Variants in CSMD1 observed in about 807,000 individuals in gnomAD.
CSMD1 encodes CUB and sushi domain-containing protein 1.
CSMD1 carries 213 observed loss-of-function variants against 417.5 expected under a neutral mutation model. That is an observed-to-expected ratio of 0.51 (90% CI 0.46 to 0.57). The LOEUF (loss-of-function observed/expected upper bound fraction) is 0.57. CSMD1 is among the 20% of genes least tolerant of loss of function. CSMD1 has a pLI of 0.00. For missense variants in CSMD1, 6,923 were observed against 4,529.7 expected (o/e 1.53, Z -15.17); for synonymous variants, 2,862 against 1,736.8 (o/e 1.65, Z -16.11).
chr8:4,653,753 G>A (rs749684782), intron 1 of CSMD1, among the ~76,000 whole-genome samples: 2 of 152,094 alleles, frequency 1.3e-5, no homozygotes, highest in African/African-American at 2.4e-5. Context: ...AACACATTTG[G>A]TTGAAACTCC....
intron 1 of CSMD1, among the ~76,000 whole-genome samples, chr8:4,817,953 C>T (rs1799300261): frequency 6.6e-6 from 1 of 152,126 alleles, no homozygotes; most frequent in African/African-American, 2.4e-5. Flanking sequence ...TCTACCCTAG[C>T]ATTAGGTACA....
At chr8:3,501,907 T>A (rs1374289661) in intron 10 of CSMD1, among the ~76,000 whole-genome samples, 2 of 152,156 alleles carry the variant, frequency 1.3e-5, no homozygotes, top group Non-Finnish European at 2.9e-5. Flanking sequence ...ATATCTACCA[T>A]AGATACTGGA....
intron 3 of CSMD1, among the ~76,000 whole-genome samples, chr8:4,102,193 A>C (rs1365420885): frequency 1.3e-5 from 2 of 152,240 alleles, no homozygotes; most frequent in East Asian, 3.9e-4. Context: ...TAAATGCTTT[A>C]TTGTCTCTTT....
chr8:4,832,898 T>A lies in CSMD1; in HGVS notation c.85+161434A>T, dbSNP rs2117451203. On this transcript the variant is annotated intron_variant, in intron 1 of 69. Transcript: ENST00000635120. ...TGCTAGATAACAGAAAGCTCCGAACTAGCTCAAGCACTCTAAGTTTAGTAC... is the reference window on the plus strand; with the variant it reads ...TGCTAGATAACAGAAAGCTCCGAACAAGCTCAAGCACTCTAAGTTTAGTAC... 2.0e-5 allele frequency among the ~76,000 whole-genome samples: 3 copies of A among 152,272 alleles called. 1 individual carries two copies. In the South Asian group the frequency reaches 6.2e-4, roughly 32 times the overall value.
intron 10 of CSMD1, among the ~76,000 whole-genome samples, chr8:3,558,731 GT>G (rs1799333146): frequency 6.7e-6 from 1 of 149,040 alleles, no homozygotes; most frequent in South Asian, 2.2e-4. Context: ...GTAGTACCCC[GT>G]GTTCACTCCT....
chr8:4,957,536 T>C (rs1362784339), intron 1 of CSMD1, among the ~76,000 whole-genome samples: 2 of 152,150 alleles, frequency 1.3e-5, no homozygotes, highest in African/African-American at 4.8e-5. Context: ...AGTGCTTATA[T>C]GAGAAATTCA....
intron 18 of CSMD1, among the ~76,000 whole-genome samples, chr8:3,377,110 G>A (rs1023463140): frequency 6.7e-6 from 1 of 148,686 alleles, no homozygotes; most frequent in Non-Finnish European, 1.5e-5. Context: ...CTGGGCTCAA[G>A]TGATCCCCCT....
intron 7 of CSMD1, among the ~76,000 whole-genome samples, chr8:3,682,412 C>T (rs1274974652): frequency 6.6e-6 from 1 of 152,046 alleles, no homozygotes; most frequent in Non-Finnish European, 1.5e-5. Flanking sequence ...AAAAGATGAC[C>T]TTTATGCAGC....
chr8:3,455,437 G>T (rs1051753879), intron 12 of CSMD1, among the ~76,000 whole-genome samples: 1 of 152,150 alleles, frequency 6.6e-6, no homozygotes, highest in African/African-American at 2.4e-5. Context: ...CCCCATCTTT[G>T]TGGTTTTATC....
intron 5 of CSMD1, among the ~76,000 whole-genome samples, chr8:3,934,624 G>C (rs1431216453): frequency 1.3e-5 from 2 of 152,090 alleles, no homozygotes; most frequent in African/African-American, 2.4e-5. Context: ...GCAGGCCAAG[G>C]AGGTAGATCA....
At chr8:3,558,687 C>T (rs1050108325) in intron 10 of CSMD1, among the ~76,000 whole-genome samples, 5 of 150,860 alleles carry the variant, frequency 3.3e-5, no homozygotes, top group African/African-American at 7.3e-5. Context: ...AATGGTACCC[C>T]GTGTCCACTC....
intron 1 of CSMD1, among the ~76,000 whole-genome samples, chr8:4,956,517 G>A (rs569994930): frequency 6.7e-4 from 98 of 147,308 alleles, no homozygotes; most frequent in Middle Eastern, 3.6e-3. Context: ...ATATACACAC[G>A]TATTTTAAAT....
chr8:3,654,271 C>A (rs1052922034), intron 7 of CSMD1, among the ~76,000 whole-genome samples: 1 of 151,846 alleles, frequency 6.6e-6, no homozygotes, highest in Non-Finnish European at 1.5e-5. Context: ...ACATTCTTAG[C>A]CAAAATTTAA....
At chr8:4,625,210 G>A (rs943353128) in intron 2 of CSMD1, among the ~76,000 whole-genome samples, 3 of 152,024 alleles carry the variant, frequency 2.0e-5, no homozygotes, top group Non-Finnish European at 2.9e-5. Context: ...CGTCTACACA[G>A]CACGTTCTCA....
Position 2,955,701 on chromosome 8 carries a change from G to C in CSMD1, c.9882C>G (p.Phe3294Leu). The change falls in exon 64 of 70, where the codon TTC becomes TTG. Residue 3294 changes from phenylalanine to leucine, a missense_variant. Physicochemically the swap from Phe to Leu is conservative, Grantham distance 22. Coordinates refer to ENST00000635120, the MANE Select transcript of CSMD1 (RefSeq NM_033225.6). ...ADVRAIDLPT[F>L]GYTLVYTCHP... ...GGCAGGTGTACACTAAGGTGTAGCC[G>C]AAAGTAGGAAGATCGATGGCTCTCA... The C allele has an allele frequency of 6.2e-7, 1 of 1,613,900 alleles. No homozygotes were observed. Among genetic ancestry groups the C allele is most frequent in the Non-Finnish European group, 8.5e-7 (1 of 1,179,814 alleles).
chr8:3,632,340 C>T (rs1796825021), intron 7 of CSMD1, among the ~76,000 whole-genome samples: 2 of 152,000 alleles, frequency 1.3e-5, no homozygotes, highest in East Asian at 3.9e-4. Flanking sequence ...GACCTTCAGC[C>T]CTGACACCCC....
At chr8:4,917,396 A>G (rs1267123824) in intron 1 of CSMD1, among the ~76,000 whole-genome samples, 1 of 152,174 alleles carries the variant, frequency 6.6e-6, no homozygotes, top group East Asian at 1.9e-4. Flanking sequence ...GCACTTTGGG[A>G]GGCCAAGGTG....
rs1484673501 is a variant in CSMD1, at chr8:4,788,433, C to T, written c.86-150875G>A. The T allele has an allele frequency of 4.5e-6, 6 of 1,329,890 alleles. No individual in the cohort carries two copies. In the Admixed American group the frequency reaches 8.6e-5, roughly 19 times the overall value. 82.4% of individuals were successfully genotyped at this position (1,329,890 alleles called of 1,614,324 possible). ...TTGACTACCCAGGGTCTTGGCTGTT[C>T]AACCACACTTTCTCCAGAAGGATCA... On this transcript the variant is annotated intron_variant, in intron 1 of 69. Transcript: ENST00000635120.
intron 51 of CSMD1, among the ~76,000 whole-genome samples, chr8:3,019,625 C>T (rs1474714815): frequency 6.6e-6 from 1 of 152,202 alleles, no homozygotes; most frequent in Non-Finnish European, 1.5e-5. Context: ...CAAACTAGAC[C>T]TTAACTGGGT....
Sources: allele counts gnomAD v4.1 joint callset (sites outside exome capture counted in the v4.1 genomes callset), GRCh38; gene constraint gnomAD v4.1.1; transcripts MANE v1.5; gene names NCBI Gene and HGNC (gene_info 2026-07-23, HGNC 2026-07-21).